PPM1H: variants seen among roughly 807,000 people sequenced by gnomAD.
PPM1H encodes the protein protein phosphatase 1H.
PPM1H carries 27 observed loss-of-function variants against 54.9 expected under a neutral mutation model. The observed-to-expected ratio is 0.49, with a 90% CI of 0.36 to 0.68. PPM1H has a LOEUF of 0.68. Among genes scored for constraint, PPM1H ranks in the 30% least tolerant of loss-of-function variants. PPM1H has a pLI of 0.00. For synonymous variants in PPM1H, 305 were observed against 270.8 expected (o/e 1.13, Z -1.24); for missense variants, 596 against 667.8 (o/e 0.89, Z 1.19).
At chr12:62,756,231 T>A in intron 4 of PPM1H, 2 of 806,550 alleles carry the variant, frequency 2.5e-6, no homozygotes, top group South Asian at 2.6e-5. Context: ...TTCCAAGGAG[T>A]AAGACCCCTG....
intron 8 of PPM1H, among the ~76,000 whole-genome samples, chr12:62,674,944 C>T (rs1426688172): frequency 1.3e-5 from 2 of 152,138 alleles, no homozygotes; most frequent in African/African-American, 4.8e-5. Context: ...GCCTAGGTGG[C>T]CAATGGGGCT....
chr12:62,697,279 A>G (rs2076120125), intron 6 of PPM1H, among the ~76,000 whole-genome samples: 1 of 152,192 alleles, frequency 6.6e-6, no homozygotes, highest in Admixed American at 6.5e-5. Flanking sequence ...GGTGAGTGCC[A>G]CCGTGCCCAG....
intron 4 of PPM1H, among the ~76,000 whole-genome samples, chr12:62,780,256 T>TA (rs1241155927): frequency 2.0e-5 from 3 of 152,182 alleles, no homozygotes. Flanking sequence ...TAAATACATT[T>TA]AAAAAAATGT....
rs771004571 is a variant in PPM1H at position 62,802,166 on chromosome 12, G to C, written c.412-6C>G. 3.2e-6 allele frequency: 5 copies of C among 1,553,362 alleles called. No homozygotes were observed. The South Asian group carries it at 6.1e-5, about 19-fold the overall frequency. On this transcript the variant is annotated splice_region_variant and splice_polypyrimidine_tract_variant and intron_variant, in intron 2 of 9. Coordinates refer to ENST00000228705, the MANE Select transcript of PPM1H (RefSeq NM_020700.2). ...CAGGAAACACCCTCGGATTCCTGTG[G>C]GAGAGGACGACAGGGAGGAGTGAGA...
At chr12:62,894,825 A>T (rs761054098) in intron 1 of PPM1H, among the ~76,000 whole-genome samples, 2 of 152,228 alleles carry the variant, frequency 1.3e-5, no homozygotes, top group African/African-American at 2.4e-5. Flanking sequence ...TGAGCCCAGG[A>T]GTTCAGATTC....
chr12:62,796,679 C>T (rs1046833063), intron 3 of PPM1H, among the ~76,000 whole-genome samples: 7 of 152,148 alleles, frequency 4.6e-5, no homozygotes, highest in Non-Finnish European at 7.4e-5. Flanking sequence ...TACATAGGCA[C>T]GAGTGTTTAA....
At chr12:62,905,540 G>A (rs1208974451) in intron 1 of PPM1H, among the ~76,000 whole-genome samples, 2 of 152,118 alleles carry the variant, frequency 1.3e-5, no homozygotes, top group African/African-American at 4.8e-5. Flanking sequence ...AAGGAAGAGA[G>A]TATCCATTCC....
chr12:62,844,196 T>A lies in PPM1H; in HGVS notation c.246-11917A>T, dbSNP rs1020641858. 1.3e-5 allele frequency among the ~76,000 whole-genome samples: 2 copies of A among 152,210 alleles called. No individual in the cohort carries two copies. Among genetic ancestry groups the A allele is most frequent in the Non-Finnish European group, 2.9e-5 (2 of 68,034 alleles). ...CACTCCAAATGGATGGGGTTGGTGT[T>A]CCAAAGTGGGGAAGCTAAGGTTTCA... On this transcript the variant is annotated intron_variant, in intron 1 of 9. Coordinates refer to ENST00000228705, the MANE Select transcript of PPM1H (RefSeq NM_020700.2). The surrounding 1 kb of genome is among the most constrained non-coding windows in gnomAD (Gnocchi z 5.2).
chr12:62,789,634 T>C (rs2120707951), intron 3 of PPM1H, among the ~76,000 whole-genome samples: 1 of 152,342 alleles, frequency 6.6e-6, no homozygotes, highest in East Asian at 1.9e-4. Context: ...GCTGAGCACT[T>C]TATACTCAAA....
At chr12:62,858,854 G>A (rs1869493658) in intron 1 of PPM1H, among the ~76,000 whole-genome samples, 1 of 152,128 alleles carries the variant, frequency 6.6e-6, no homozygotes, top group Admixed American at 6.6e-5. Flanking sequence ...CTCACTCTCT[G>A]CCAGATGAGG....
chr12:62,867,564 A>ATT (rs34772338), intron 1 of PPM1H, among the ~76,000 whole-genome samples: 1,388 of 55,328 alleles, frequency 0.025, 347 homozygotes, highest in East Asian at 0.039. Context: ...TATGAGCACT[A>ATT]TTTTTTTTTT....
At chr12:62,850,289 C>A (rs1869132378) in intron 1 of PPM1H, among the ~76,000 whole-genome samples, 1 of 152,098 alleles carries the variant, frequency 6.6e-6, no homozygotes, top group Non-Finnish European at 1.5e-5. Context: ...AAGTTAGCTT[C>A]AAATTCCATG....
intron 1 of PPM1H, among the ~76,000 whole-genome samples, chr12:62,892,489 A>G (rs557564676): frequency 1.3e-5 from 2 of 152,294 alleles, no homozygotes; most frequent in African/African-American, 4.8e-5. Context: ...AAAAATAGCA[A>G]CTGAGGTCAT....
At chr12:62,894,455 G>A (rs1273321169) in intron 1 of PPM1H, among the ~76,000 whole-genome samples, 2 of 152,204 alleles carry the variant, frequency 1.3e-5, no homozygotes, top group Non-Finnish European at 2.9e-5. Flanking sequence ...GTATCAGAGA[G>A]TAGATGGCTG....
At chr12:62,808,489 G>C (rs1354443041) in intron 2 of PPM1H, among the ~76,000 whole-genome samples, 1 of 152,026 alleles carries the variant, frequency 6.6e-6, no homozygotes, top group Non-Finnish European at 1.5e-5. Flanking sequence ...ACAACATTTG[G>C]TCATTTTCTT....
chr12:62,710,887 A>G (rs991626877), intron 6 of PPM1H, among the ~76,000 whole-genome samples: 2 of 152,210 alleles, frequency 1.3e-5, no homozygotes, highest in African/African-American at 4.8e-5. Context: ...ACTCTCCATA[A>G]TAGCTAATGA....
intron 9 of PPM1H, among the ~76,000 whole-genome samples, chr12:62,655,051 A>C (rs2075836625): frequency 6.6e-6 from 1 of 152,220 alleles, no homozygotes; most frequent in South Asian, 2.1e-4. Context: ...CATAGGTGAC[A>C]GTACGAATGC....
intron 2 of PPM1H, among the ~76,000 whole-genome samples, chr12:62,817,116 T>TAAAAAA (rs1189819660): frequency 7.2e-5 from 3 of 41,776 alleles, no homozygotes; most frequent in Admixed American, 3.6e-4. Flanking sequence ...ACTGCATTAC[T>TAAAAAA]AAAAAAAAAA....
intron 2 of PPM1H, among the ~76,000 whole-genome samples, chr12:62,802,565 C>T (rs2076777448): frequency 9.2e-6 from 1 of 108,950 alleles, no homozygotes; most frequent in African/African-American, 2.9e-5. Context: ...TCCTTAACTC[C>T]CGTCTTTTTT....
Sources: allele counts gnomAD v4.1 joint callset (sites outside exome capture counted in the v4.1 genomes callset), GRCh38; gene constraint gnomAD v4.1.1; non-coding constraint Gnocchi (gnomAD v3.1); transcripts MANE v1.5; gene names NCBI Gene and HGNC (gene_info 2026-07-23, HGNC 2026-07-21).